PARP14: variants seen among roughly 807,000 people sequenced by gnomAD.
PARP14 encodes poly(ADP-ribose) polymerase family member 14, also known as protein mono-ADP-ribosyltransferase PARP14.
A neutral mutation model predicts 154.2 loss-of-function variants in PARP14; 59 were observed. That is an observed-to-expected ratio of 0.38 (90% confidence interval 0.31 to 0.48). The LOEUF is 0.48. Among genes scored for constraint, PARP14 ranks in the 20% least tolerant of loss-of-function variants. The pLI is 0.98. For synonymous variants in PARP14, 720 were observed against 780.5 expected, an observed-to-expected ratio of 0.92 and a Z score of 1.29; for missense variants, 1,734 against 2,131.6, an observed-to-expected ratio of 0.81 and a Z score of 3.67.
intron 8 of PARP14, 103 bp downstream of exon 8, chr3:122,704,851 T>G (rs78493335): frequency 0.057 from 36,904 of 648,998 alleles, 1,363 homozygotes; most frequent in Middle Eastern, 0.087. Flanking sequence ...ATTTCCCCAT[T>G]CAGGAAAGTA....
chr3:122,699,305 T>C, intron 5 of PARP14, 85 bp from the exon 6 acceptor site: 1 of 717,654 alleles, frequency 1.4e-6, no homozygotes, highest in Non-Finnish European at 2.2e-6. Flanking sequence ...AGATTTTTTT[T>C]TCTCTAAAAT....
At position 122,699,396 on chromosome 3, in the gene PARP14, A is replaced by G. The variant is rs761725445; in HGVS notation, c.842A>G (p.Asp281Gly). 2 of 1,599,666 alleles carry G rather than the reference A, an allele frequency of 1.3e-6. No individual in the cohort carries two copies. Among genetic ancestry groups the G allele is most frequent in the African/African-American group, 1.3e-5 (1 of 74,202 alleles). ...LIEFFDRKVL[D>G]TIMATKLDFN... The stretch of plus-strand genomic sequence containing the variant: ...TTACTTCTTTCCTTTTAAGTGTTAG[A>G]CACCATCATGGCCACAAAACTCGAC... The change falls in exon 6 of 17, where the codon GAC becomes GGC. Residue 281 changes from aspartate (D) to glycine (G), a missense_variant. Asp to Gly is a moderately conservative substitution (Grantham distance 94). This residue lies in a region of PARP14 where 1,646 missense variants were observed against 1,976.0 expected (regional missense o/e 0.83). Coordinates refer to ENST00000474629, the MANE Select transcript of PARP14 (RefSeq NM_017554.3).
At chr3:122,703,592 A>G (rs979851173) in intron 6 of PARP14, 150 bp from the exon 7 acceptor site, 2 of 580,584 alleles carry the variant, frequency 3.4e-6, no homozygotes, top group African/African-American at 3.8e-5. Context: ...GTATTTAGTC[A>G]CACTTTGTCT....
rs201153648 is a variant in PARP14 at position 122,713,881 on chromosome 3, A to G, written c.3779A>G (p.Lys1260Arg). 7.8e-4 allele frequency: 1,263 copies of G among 1,610,524 alleles called. 10 individuals are homozygous for G. Among genetic ancestry groups the G allele is most frequent in the South Asian group, 4.4e-3 (398 of 91,022 alleles). ...TGATTTTCTCATGTAGGGGTCTCCA[A>G]AGCAATTTTAGAATGTGCTGGACAA... ...NSFNLKAGVS[K>R]AILECAGQNV... is the part of the protein sequence containing the mutation. Residue 1260 changes from lysine to arginine, a missense_variant, in exon 11 of 17, where the codon AAA (lysine) becomes AGA (arginine). By Grantham distance (26) the Lys-to-Arg change is conservative. Around this residue, in one of 2 missense-constraint regions of PARP14, gnomAD observed 1,646 missense variants for 1,976.0 expected, o/e 0.83. Transcript: ENST00000474629.
At chr3:122,727,783 G>A (rs768998567) in intron 15 of PARP14, 29 bp from the exon 16 acceptor site, 67 of 1,470,436 alleles carry the variant, frequency 4.6e-5, no homozygotes, top group Non-Finnish European at 9.3e-6. Flanking sequence ...CTTGGAACTG[G>A]CAGAATATTA....
chr3:122,695,299 T>C, intron 4 of PARP14, 127 bp from the exon 5 acceptor site: 1 of 601,372 alleles, frequency 1.7e-6, no homozygotes, highest in East Asian at 2.8e-5. Flanking sequence ...ATTAAAATCT[T>C]GTGTCTAAAA....
At chr3:122,692,172 G>T (rs1179076443) in intron 3 of PARP14, 129 bp from the exon 4 acceptor site, 3 of 607,152 alleles carry the variant, frequency 4.9e-6, no homozygotes, top group African/African-American at 1.8e-5. Flanking sequence ...GCCATCCAAG[G>T]TCTGTTATTC....
In PARP14 at chr3:122,713,500, T is replaced by C; in HGVS notation, c.3696T>C (p.Ala1232=). The change falls in exon 10 of 17, where the codon GCT becomes GCC. Residue 1232 remains alanine, a synonymous_variant. Transcript: ENST00000474629. ...TTGGCTCCATCATCTTCCAGGTGGC[T>C]TCTGGAGATATCACGAAAGAAGAGG... is the stretch of plus-strand genomic sequence containing the variant. ...MKIGSIIFQV[A]SGDITKEEAD... 2.5e-6 allele frequency: 4 copies of C among 1,612,754 alleles called. No homozygotes were observed. Among genetic ancestry groups the C allele is most frequent in the Non-Finnish European group, 3.4e-6 (4 of 1,178,754 alleles).
rs757202495 is a variant in PARP14, at chr3:122,701,199, G to T, written c.2645G>T (p.Gly882Val). The change falls in exon 6 of 17, where the codon GGG (glycine) becomes GTG (valine). Residue 882 changes from glycine (G) to valine (V), a missense_variant. Physicochemically the swap from Gly to Val is moderately radical, Grantham distance 109. This residue lies in a region of PARP14 where 1,646 missense variants were observed against 1,976.0 expected (regional missense o/e 0.83). Coordinates refer to ENST00000474629, the MANE Select transcript of PARP14 (RefSeq NM_017554.3). The surrounding 1 kb of genome is among the most constrained non-coding windows in gnomAD (Gnocchi z 4.0). ...LPYHHVIHAV[G>V]PRWSGYEAPR... Reference sequence around the variant, plus strand: ...TACCACCACGTGATCCATGCAGTGGGGCCCCGCTGGAGCGGATATGAGGCC... The same window carrying T: ...TACCACCACGTGATCCATGCAGTGGTGCCCCGCTGGAGCGGATATGAGGCC... The T allele has an allele frequency of 1.2e-6, 2 of 1,613,176 alleles. No homozygotes were observed. Among genetic ancestry groups the T allele is most frequent in the Non-Finnish European group, 1.7e-6 (2 of 1,179,600 alleles).
Position 122,730,211 on chromosome 3 carries a change from AGCC to A in PARP14, c.*1615_*1617del, listed in dbSNP as rs1479803185. On this transcript the variant is annotated 3_prime_UTR_variant, in exon 17 of 17. Coordinates refer to ENST00000474629, the MANE Select transcript of PARP14 (RefSeq NM_017554.3). The stretch of plus-strand genomic sequence containing the variant: ...CTGAATCTTGGTCCCTGTGATGTCA[AGCC>A]CATTGCTCTCCCACTGCAGAACATG... 6.6e-6 allele frequency: 1 copy of A among 152,232 alleles called. No individual in the cohort carries two copies. The highest frequency in any genetic ancestry group is 1.5e-5 in the Non-Finnish European group (1 of 68,052). 9.4% of individuals were successfully genotyped at this position (152,232 alleles called of 1,614,324 possible).
chr3:122,723,972 A>G (rs1370035244), intron 15 of PARP14, among the ~76,000 whole-genome samples: 1 of 152,122 alleles, frequency 6.6e-6, no homozygotes, highest in African/African-American at 2.4e-5. Flanking sequence ...AGTATGTTAT[A>G]TTTAATTACA....
intron 1 of PARP14, among the ~76,000 whole-genome samples, chr3:122,682,194 A>T (rs1041132597): frequency 2.0e-5 from 3 of 152,206 alleles, no homozygotes; most frequent in African/African-American, 7.2e-5. Context: ...TCAGAAGGGC[A>T]ACTGTGTGAT....
Position 122,701,830 on chromosome 3 carries a change from C to T in PARP14, c.3081+195C>T, listed in dbSNP as rs755687907. On this transcript the variant is annotated intron_variant, in intron 6 of 16. Transcript: ENST00000474629. This position sits in a 1 kb window ranked among gnomAD's most constrained non-coding sequence, Gnocchi z 4.0. ...TACCAAATCATTTACTAATAGAGATCGGCCAATTATTTGTGAGAACTGAAA... is the reference window on the plus strand; with the variant it reads ...TACCAAATCATTTACTAATAGAGATTGGCCAATTATTTGTGAGAACTGAAA... Among the ~76,000 whole-genome samples, 7 of 152,122 alleles carry T rather than the reference C, an allele frequency of 4.6e-5. No individual in the cohort carries two copies. The highest frequency in any genetic ancestry group is 7.3e-5 in the Non-Finnish European group (5 of 68,030).
At chr3:122,684,757 C>A (rs1938317895) in intron 1 of PARP14, among the ~76,000 whole-genome samples, 1 of 152,180 alleles carries the variant, frequency 6.6e-6, no homozygotes, top group Non-Finnish European at 1.5e-5. Flanking sequence ...AGTACCCAAT[C>A]TTCACTGGCT....
chr3:122,695,911 G>GA (rs1295924598), intron 5 of PARP14, among the ~76,000 whole-genome samples: 1 of 152,162 alleles, frequency 6.6e-6, no homozygotes, highest in Non-Finnish European at 1.5e-5. Flanking sequence ...ATGATGGGCT[G>GA]AAAAATATAT....
rs147318626 is a variant in PARP14, at chr3:122,705,703, C to T, written c.3540+955C>T. Among the ~76,000 whole-genome samples the T allele has an allele frequency of 7.2e-4, 109 of 152,266 alleles. No individual in the cohort carries two copies. The East Asian group carries it at 0.019, about 26-fold the overall frequency. ...ATCAAACAGATTAAGATCAGCAACC[C>T]AAGAGATACCTGTGGATCATTGGAC... On this transcript the variant is annotated intron_variant, in intron 8 of 16. Transcript: ENST00000474629.
In PARP14 at chr3:122,690,615, G is replaced by A. The variant is rs187536262; in HGVS notation, c.356-1686G>A. Among the ~76,000 whole-genome samples the A allele has an allele frequency of 3.3e-5, 5 of 152,272 alleles. No individual in the cohort carries two copies. The East Asian group carries it at 5.8e-4, about 18-fold the overall frequency. ...CAACCTCCGCCTCCCAGCTTCAAGC[G>A]ATTCTCCAGCCTCAGCCTCCTGAGT... On this transcript the variant is annotated intron_variant, in intron 3 of 16. Coordinates refer to ENST00000474629, the MANE Select transcript of PARP14 (RefSeq NM_017554.3).
At chr3:122,715,194 G>T (rs1206107324) in intron 12 of PARP14, among the ~76,000 whole-genome samples, 1 of 151,984 alleles carries the variant, frequency 6.6e-6, no homozygotes, top group East Asian at 1.9e-4. Flanking sequence ...ATCCCTGCTT[G>T]GTCTCCTTCA....
At chr3:122,698,809 A>G (rs138780589) in intron 5 of PARP14, among the ~76,000 whole-genome samples, 2 of 152,322 alleles carry the variant, frequency 1.3e-5, no homozygotes, top group Admixed American at 6.5e-5. Flanking sequence ...ATCTAAGTCA[A>G]CTTTGAAGCC....
Sources: gnomAD v4.1 joint callset for allele counts (sites outside exome capture counted in the v4.1 genomes callset) on GRCh38, gnomAD v4.1.1 for gene constraint, gnomAD v4.1.1 regional missense constraint, Gnocchi (gnomAD v3.1) non-coding constraint, MANE v1.5 for transcripts, NCBI Gene and HGNC (gene_info 2026-07-23, HGNC 2026-07-21) for gene names.